HYLS1: variants seen among roughly 807,000 people sequenced by gnomAD.
The protein encoded by HYLS1 is centriolar and ciliogenesis-associated protein HYLS1.
Under a neutral mutation model 29.4 loss-of-function variants are expected in HYLS1, and 25 were observed. That is an observed-to-expected ratio of 0.85 (90% CI 0.62 to 1.19). HYLS1 has a LOEUF of 1.19. Ranked by LOEUF, HYLS1 falls within the 50% of genes most tolerant of loss-of-function variation. The pLI is 0.00. For synonymous variants in HYLS1, 128 were observed against 126.7 expected, an observed-to-expected ratio of 1.01 and a Z score of -0.07; for missense variants, 352 against 365.1, an observed-to-expected ratio of 0.96 and a Z score of 0.29.
At chr11:125,893,612 A>G (rs1944474088) in intron 2 of HYLS1, 1 of 538,952 alleles carries the variant, frequency 1.9e-6, no homozygotes, top group South Asian at 3.5e-5. Context: ...GAATATTTGA[A>G]ATTTCTTATT....
intron 2 of HYLS1, among the ~76,000 whole-genome samples, chr11:125,898,884 A>G (rs1363275670): frequency 3.3e-5 from 5 of 152,152 alleles, no homozygotes; most frequent in African/African-American, 4.8e-5. Flanking sequence ...ACCTTGGGCA[A>G]GTTATTTAAC....
rs1944682838 is a variant in HYLS1 at position 125,899,257 on chromosome 11, G to A, written c.-25-87G>A. The A allele has an allele frequency of 4.5e-6, 4 of 889,772 alleles. No individual in the cohort carries two copies. The Admixed American group carries it at 9.2e-5, about 20-fold the overall frequency. The allele number at this position is 889,772 out of a possible 1,614,324, so 55.1% of individuals were successfully genotyped here. On this transcript the variant is annotated intron_variant, in intron 2 of 2. Transcript: ENST00000425380. ...GGCCTTAGCCATTCTTTCTCCATTTGACTGCTATAAAACGGAGATAAGGGA... is the reference window on the plus strand; with the variant it reads ...GGCCTTAGCCATTCTTTCTCCATTTAACTGCTATAAAACGGAGATAAGGGA...
chr11:125,894,222 C>A, intron 2 of HYLS1: 1 of 1,613,398 alleles, frequency 6.2e-7, no homozygotes, highest in South Asian at 1.1e-5. Context: ...GCCTCCTGGT[C>A]ATAGATCCAC....
At chr11:125,884,460 T>A (rs1944275227), upstream of HYLS1, among the ~76,000 whole-genome samples, 1 of 151,658 alleles carries the variant, frequency 6.6e-6, no homozygotes, top group Non-Finnish European at 1.5e-5. Context: ...ATACAAAAAA[T>A]TAGCCGGGTG....
At chr11:125,888,172 A>G (rs1267072013) in intron 1 of HYLS1, 2 of 152,278 alleles carry the variant, frequency 1.3e-5, no homozygotes, top group East Asian at 1.9e-4. Flanking sequence ...AGGCGGGGCG[A>G]CTGCGAGCTT....
chr11:125,885,686 G>C (rs946102562), upstream of HYLS1, among the ~76,000 whole-genome samples: 1 of 152,192 alleles, frequency 6.6e-6, no homozygotes, highest in African/African-American at 2.4e-5. Context: ...CAACCCCCAG[G>C]CCACGGACAG....
chr11:125,889,195 C>A (rs971966566), intron 1 of HYLS1, among the ~76,000 whole-genome samples: 2 of 152,166 alleles, frequency 1.3e-5, no homozygotes, highest in African/African-American at 4.8e-5. Context: ...AGTGTCGATA[C>A]GCATTACCAT....
At position 125,895,797 on chromosome 11, in the gene HYLS1, G is replaced by A. The variant is rs377218715; in HGVS notation, c.-25-3547G>A. On this transcript the variant is annotated intron_variant, in intron 2 of 2. Coordinates refer to ENST00000425380, the MANE Select transcript of HYLS1 (RefSeq NM_001134793.2). ...AAGGTCAAGTGAGATCACCTGTGGAGTTAGACAAAGATACTGGGTTTTAGA... is the reference window on the plus strand; with the variant it reads ...AAGGTCAAGTGAGATCACCTGTGGAATTAGACAAAGATACTGGGTTTTAGA... The A allele has an allele frequency of 3.8e-6, 6 of 1,589,038 alleles. No homozygotes were observed. The highest frequency in any genetic ancestry group is 1.3e-5 in the African/African-American group (1 of 74,370).
At position 125,900,121 on chromosome 11, in the gene HYLS1, C is replaced by T. The variant is rs2134260246; in HGVS notation, c.753C>T (p.Pro251=). Residue 251 remains proline (P), a synonymous_variant, in exon 3 of 3, where the codon CCC becomes CCT. Coordinates refer to ENST00000425380, the MANE Select transcript of HYLS1 (RefSeq NM_001134793.2). Reference sequence around the variant, plus strand: ...AGCAGATGCTTTGTCGAGCAGAACCCCAATCCAAACCTCAGCATATATATG... The same window carrying T: ...AGCAGATGCTTTGTCGAGCAGAACCTCAATCCAAACCTCAGCATATATATG... ...VREQMLCRAE[P]QSKPQHIYVP... The T allele has an allele frequency of 6.2e-7, 1 of 1,614,110 alleles. No individual in the cohort carries two copies. The highest frequency in any genetic ancestry group is 1.1e-5 in the South Asian group (1 of 91,072).
chr11:125,894,039 G>A, intron 2 of HYLS1: 1 of 1,614,186 alleles, frequency 6.2e-7, no homozygotes, highest in African/African-American at 1.3e-5. Flanking sequence ...GCACTGGTCT[G>A]CTTTATGACA....
chr11:125,895,089 C>T (rs936912726), intron 2 of HYLS1: 1 of 557,196 alleles, frequency 1.8e-6, no homozygotes, highest in Admixed American at 3.6e-5. Context: ...CTCTGTCACC[C>T]ATGCTGGAAT....
At chr11:125,885,156 C>T (rs918227380), upstream of HYLS1, among the ~76,000 whole-genome samples, 1 of 152,098 alleles carries the variant, frequency 6.6e-6, no homozygotes, top group African/African-American at 2.4e-5. Context: ...AAAAGGATAA[C>T]AGAAACTAAT....
rs1441660486 is a variant in HYLS1, at chr11:125,899,926, G to A, written c.558G>A (p.Leu186=). 2 of 1,614,214 alleles carry A rather than the reference G, an allele frequency of 1.2e-6. No individual in the cohort carries two copies. Among genetic ancestry groups the A allele is most frequent in the East Asian group, 4.5e-5 (2 of 44,882 alleles). The change falls in exon 3 of 3, where the codon CTG becomes CTA. Residue 186 remains leucine (L), a synonymous_variant. Transcript: ENST00000425380. ...GMGSPAYEQD[L]IVASRPKSFI... ...GCTCTCCAGCTTACGAACAAGACCT[G>A]ATTGTTGCCAGCAGACCCAAGTCCT...
intron 2 of HYLS1, among the ~76,000 whole-genome samples, chr11:125,898,297 A>G (rs553538367): frequency 5.9e-5 from 9 of 152,210 alleles, no homozygotes; most frequent in Non-Finnish European, 1.2e-4. Context: ...TCCAGTCAGG[A>G]AACTAGCATT....
At chr11:125,890,310 T>C (rs1475415634) in intron 1 of HYLS1, among the ~76,000 whole-genome samples, 1 of 152,168 alleles carries the variant, frequency 6.6e-6, no homozygotes, top group African/African-American at 2.4e-5. Flanking sequence ...TGATAATGTG[T>C]ACCCTTTAAT....
At chr11:125,884,985 A>G (rs1250844076), upstream of HYLS1, among the ~76,000 whole-genome samples, 1 of 152,230 alleles carries the variant, frequency 6.6e-6, no homozygotes, top group Non-Finnish European at 1.5e-5. Context: ...GGGAACCACA[A>G]GCATTATTAA....
intron 2 of HYLS1, among the ~76,000 whole-genome samples, chr11:125,892,362 T>C (rs73017490): frequency 1.3e-5 from 2 of 152,326 alleles, no homozygotes; most frequent in Non-Finnish European, 2.9e-5. Flanking sequence ...CAAACTTTGA[T>C]GTTTATTATT....
chr11:125,894,093 G>T, intron 2 of HYLS1: 1 of 1,614,060 alleles, frequency 6.2e-7, no homozygotes, highest in Middle Eastern at 1.6e-4. Flanking sequence ...TCCATCTTTG[G>T]TCCTATTCCA....
intron 1 of HYLS1, among the ~76,000 whole-genome samples, chr11:125,890,143 TG>T (rs1170984873): frequency 6.6e-6 from 1 of 152,018 alleles, no homozygotes; most frequent in African/African-American, 2.4e-5. Context: ...GGTCTTGCTG[TG>T]TTGCACAGGC....
Sources: allele counts gnomAD v4.1 joint callset (sites outside exome capture counted in the v4.1 genomes callset), GRCh38; gene constraint gnomAD v4.1.1; transcripts MANE v1.5; gene names NCBI Gene and HGNC (gene_info 2026-07-23, HGNC 2026-07-21).